MPPED2: variants seen among roughly 807,000 people sequenced by gnomAD.
MPPED2 encodes the protein metallophosphoesterase MPPED2.
A neutral mutation model predicts 33.0 loss-of-function variants in MPPED2; 5 were observed. That is an observed-to-expected ratio of 0.15 (90% CI 0.08 to 0.32). The LOEUF (loss-of-function observed/expected upper bound fraction) is 0.32, where lower values mean the gene tolerates loss of function less well. Among genes scored for constraint, MPPED2 ranks in the 10% least tolerant of loss-of-function variants. MPPED2 has a pLI of 1.00. For missense variants in MPPED2, 275 were observed against 372.1 expected (o/e 0.74, Z 2.15); for synonymous variants, 136 against 141.9 (o/e 0.96, Z 0.29).
intron 4 of MPPED2, among the ~76,000 whole-genome samples, chr11:30,431,417 A>T (rs912309449): frequency 6.6e-6 from 1 of 152,222 alleles, no homozygotes; most frequent in Non-Finnish European, 1.5e-5. Context: ...CCCAATCTGT[A>T]AGATGGAGAT....
chr11:30,407,445 C>A (rs947056966), downstream of MPPED2, among the ~76,000 whole-genome samples: 5 of 152,206 alleles, frequency 3.3e-5, no homozygotes, highest in African/African-American at 1.2e-4. Flanking sequence ...CCCTTATCCG[C>A]CTCCCACTAA....
Position 30,535,354 on chromosome 11 carries a change from C to T in MPPED2, c.310+640G>A, listed in dbSNP as rs1263138270. Among the ~76,000 whole-genome samples the T allele has an allele frequency of 1.3e-5, 2 of 152,142 alleles. 1 individual carries two copies. Among genetic ancestry groups the T allele is most frequent in the Admixed American group, 1.3e-4 (2 of 15,270 alleles). ...TCCCTCCGCTAAGAGGAACCAGGAT[C>T]CAATATTTTGCAGTAACTGACCTGT... On this transcript the variant is annotated intron_variant, in intron 3 of 6. Coordinates refer to ENST00000358117, the MANE Select transcript of MPPED2 (RefSeq NM_001584.3).
chr11:30,446,452 A>G (rs1949812740), intron 4 of MPPED2, among the ~76,000 whole-genome samples: 1 of 152,172 alleles, frequency 6.6e-6, no homozygotes, highest in Admixed American at 6.5e-5. Flanking sequence ...GGCATGCTTT[A>G]AAATAATAAA....
intron 4 of MPPED2, among the ~76,000 whole-genome samples, chr11:30,420,116 G>T (rs1948546402): frequency 6.6e-6 from 1 of 152,156 alleles, no homozygotes; most frequent in Non-Finnish European, 1.5e-5. Flanking sequence ...GGAAATTAAA[G>T]TCACTGATGG....
intron 4 of MPPED2, among the ~76,000 whole-genome samples, chr11:30,458,797 T>C (rs1950389223): frequency 6.6e-6 from 1 of 152,112 alleles, no homozygotes; most frequent in Non-Finnish European, 1.5e-5. Context: ...AAGCTGAGAC[T>C]TGTATTCAGG....
At position 30,400,821 on chromosome 11, in the gene MPPED2, C is replaced by A. The variant is rs145742715; in HGVS notation, c.767-11865G>T. On this transcript the variant is annotated intron_variant, in intron 6 of 6. Coordinates refer to the MPPED2 transcript ENST00000448418. ...TGTCACCCAGCCAGGAGTGCAGTGG[C>A]ACAATCATGGCTCACTGCAGCCTCA... Among the ~76,000 whole-genome samples the A allele has an allele frequency of 3.0e-3, 450 of 151,678 alleles. 5 individuals are homozygous for A. The highest frequency in any genetic ancestry group is 8.5e-3 in the Admixed American group (129 of 15,232).
At chr11:30,491,330 G>T (rs892888496) in intron 4 of MPPED2, among the ~76,000 whole-genome samples, 1 of 152,216 alleles carries the variant, frequency 6.6e-6, no homozygotes, top group African/African-American at 2.4e-5. Flanking sequence ...AACAAGGGCA[G>T]ACCTCATTCC....
intron 6 of MPPED2, among the ~76,000 whole-genome samples, chr11:30,394,204 G>T (rs1204575012): frequency 6.6e-6 from 1 of 152,078 alleles, no homozygotes; most frequent in Non-Finnish European, 1.5e-5. Context: ...TTCAGTTTTT[G>T]GTGATTATAA....
Position 30,512,947 on chromosome 11 carries a change from C to G in MPPED2, c.311-17426G>C, listed in dbSNP as rs955840253. On this transcript the variant is annotated intron_variant, in intron 3 of 6. Transcript: ENST00000358117. ...ATCGGGGGGCAGAGTTGCGCTGACC[C>G]AAGATCACGCCACTGCACTCTACTG... 3.0e-4 allele frequency among the ~76,000 whole-genome samples: 45 copies of G among 151,880 alleles called. 1 individual carries two copies. The highest frequency in any genetic ancestry group is 1.1e-3 in the African/African-American group (44 of 41,396).
chr11:30,442,984 C>T (rs1443572702), intron 4 of MPPED2, among the ~76,000 whole-genome samples: 1 of 152,026 alleles, frequency 6.6e-6, no homozygotes, highest in Non-Finnish European at 1.5e-5. Flanking sequence ...CAGCAAAATC[C>T]TGTCTCAAGG....
At chr11:30,544,064 G>A (rs1198095777) in intron 2 of MPPED2, among the ~76,000 whole-genome samples, 1 of 152,086 alleles carries the variant, frequency 6.6e-6, no homozygotes, top group East Asian at 1.9e-4. Context: ...GTACAGTGCC[G>A]ACATTCAATG....
At chr11:30,465,315 T>C (rs2134023594) in intron 4 of MPPED2, among the ~76,000 whole-genome samples, 1 of 152,212 alleles carries the variant, frequency 6.6e-6, no homozygotes, top group African/African-American at 2.4e-5. Context: ...GGAGATAGGG[T>C]CTCACTCTGT....
intron 2 of MPPED2, among the ~76,000 whole-genome samples, chr11:30,559,507 G>T (rs149341661): frequency 1.1e-4 from 16 of 152,206 alleles, no homozygotes; most frequent in African/African-American, 3.6e-4. Flanking sequence ...CTTGCATGAT[G>T]TGTCAATTAA....
At chr11:30,543,578 C>T (rs993606942) in intron 2 of MPPED2, among the ~76,000 whole-genome samples, 1 of 152,054 alleles carries the variant, frequency 6.6e-6, no homozygotes, top group African/African-American at 2.4e-5. Flanking sequence ...CCAGACAATG[C>T]AAAGATAAAT....
At chr11:30,531,582 A>G (rs189689919) in intron 3 of MPPED2, among the ~76,000 whole-genome samples, 3 of 152,384 alleles carry the variant, frequency 2.0e-5, no homozygotes, top group Non-Finnish European at 2.9e-5. Flanking sequence ...GGCTACCATC[A>G]GTAGCTACTC....
intron 3 of MPPED2, among the ~76,000 whole-genome samples, chr11:30,511,167 T>C (rs573479305): frequency 9.2e-5 from 14 of 152,104 alleles, no homozygotes; most frequent in Non-Finnish European, 1.6e-4. Flanking sequence ...CAGGATGAGA[T>C]TTGATAATGA....
rs569476194 is a variant in MPPED2, at chr11:30,532,242, C to T, written c.310+3752G>A. Among the ~76,000 whole-genome samples, 24 of 152,274 alleles carry T rather than the reference C, an allele frequency of 1.6e-4. No individual in the cohort carries two copies. In the East Asian group the frequency reaches 3.9e-3, roughly 24 times the overall value. Reference sequence around the variant, plus strand: ...TCCCAACTTGGCTATTAATTATCTGCGAAACCGTGGACAATTCATTAAATC... The same window carrying T: ...TCCCAACTTGGCTATTAATTATCTGTGAAACCGTGGACAATTCATTAAATC... On this transcript the variant is annotated intron_variant, in intron 3 of 6. Coordinates refer to ENST00000358117, the MANE Select transcript of MPPED2 (RefSeq NM_001584.3).
intron 6 of MPPED2, among the ~76,000 whole-genome samples, chr11:30,404,526 A>G (rs1170538897): frequency 1.3e-5 from 2 of 152,194 alleles, no homozygotes; most frequent in African/African-American, 4.8e-5. Context: ...CACTGCCATT[A>G]GCAGGCAGAC....
At chr11:30,513,236 C>T (rs143110629) in intron 3 of MPPED2, among the ~76,000 whole-genome samples, 63 of 152,272 alleles carry the variant, frequency 4.1e-4, no homozygotes, top group Admixed American at 3.5e-3. Context: ...GTCCTCAGTC[C>T]ACCCATGGTT....
Sources: allele counts gnomAD v4.1 joint callset (sites outside exome capture counted in the v4.1 genomes callset), GRCh38; gene constraint gnomAD v4.1.1; transcripts MANE v1.5; gene names NCBI Gene and HGNC (gene_info 2026-07-23, HGNC 2026-07-21).